DNAH14: variants seen among roughly 807,000 people sequenced by gnomAD.
DNAH14 encodes dynein axonemal heavy chain 14, also known as axonemal beta dynein heavy chain 14.
DNAH14 carries 478 observed loss-of-function variants against 520.9 expected under a neutral mutation model. The ratio of observed to expected loss-of-function variants is 0.92; its 90% CI spans 0.85 to 0.99. The LOEUF (loss-of-function observed/expected upper bound fraction) is 0.99. DNAH14 is among the 50% of genes least tolerant of loss of function. The pLI, the probability that DNAH14 is intolerant of heterozygous loss-of-function variation, is 0.00. For missense variants in DNAH14, 4,831 were observed against 5,234.5 expected, an observed-to-expected ratio of 0.92 and a Z score of 2.38; for synonymous variants, 1,581 against 1,757.2, an observed-to-expected ratio of 0.90 and a Z score of 2.51.
chr1:225,072,964 T>C (rs1293741006), intron 17 of DNAH14, among the ~76,000 whole-genome samples: 2 of 152,086 alleles, frequency 1.3e-5, no homozygotes, highest in Non-Finnish European at 2.9e-5. Context: ...GGTGGTCTCA[T>C]CCAGTCATGA....
chr1:224,934,681 T>G (rs2058910998), intron 1 of DNAH14, among the ~76,000 whole-genome samples: 1 of 151,310 alleles, frequency 6.6e-6, no homozygotes. Context: ...CACTAGAGGC[T>G]CAGTGATCCT....
At chr1:224,938,852 G>A (rs1360191670) in intron 1 of DNAH14, among the ~76,000 whole-genome samples, 3 of 152,152 alleles carry the variant, frequency 2.0e-5, no homozygotes, top group Admixed American at 6.6e-5. Flanking sequence ...ATACTATTCA[G>A]CTGTAAAAAA....
chr1:225,366,801 C>T (rs895397932), intron 76 of DNAH14, among the ~76,000 whole-genome samples: 1 of 119,772 alleles, frequency 8.3e-6, no homozygotes, highest in African/African-American at 2.6e-5. Flanking sequence ...ACCTAGAGAC[C>T]TCCTCTTTTC....
At chr1:225,042,215 A>G (rs2067541056) in intron 12 of DNAH14, among the ~76,000 whole-genome samples, 2 of 152,240 alleles carry the variant, frequency 1.3e-5, no homozygotes, top group South Asian at 4.1e-4. Flanking sequence ...CAGAGGAGTC[A>G]TTATGCAGTA....
intron 17 of DNAH14, among the ~76,000 whole-genome samples, chr1:225,064,055 T>C (rs1211837618): frequency 6.6e-6 from 1 of 152,030 alleles, no homozygotes; most frequent in Non-Finnish European, 1.5e-5. Context: ...GTATCCAGCA[T>C]ACATAAGGAA....
At chr1:225,327,033 C>T (rs1204976289) in intron 64 of DNAH14, among the ~76,000 whole-genome samples, 1 of 152,178 alleles carries the variant, frequency 6.6e-6, no homozygotes, top group Non-Finnish European at 1.5e-5. Context: ...TTCTCAGTTG[C>T]ACCTGAGATA....
Position 225,121,826 on chromosome 1 carries a change from G to A in DNAH14, c.4167-1701G>A, listed in dbSNP as rs140860905. On this transcript the variant is annotated intron_variant, in intron 26 of 85. Transcript: ENST00000682510. ...ACTGCACTCCAGCCTGGGTGACAGAGCGAGACTCCATCTCAAATTAAATAA... is the reference window on the plus strand; with the variant it reads ...ACTGCACTCCAGCCTGGGTGACAGAACGAGACTCCATCTCAAATTAAATAA... Among the ~76,000 whole-genome samples, 416 of 151,866 alleles carry A rather than the reference G, an allele frequency of 2.7e-3. No homozygotes were observed. The Middle Eastern group carries it at 0.027, about 10-fold the overall frequency.
intron 8 of DNAH14, among the ~76,000 whole-genome samples, chr1:224,981,913 G>A (rs1270172314): frequency 6.6e-6 from 1 of 152,094 alleles, no homozygotes; most frequent in Non-Finnish European, 1.5e-5. Context: ...CAAACCTTTT[G>A]GAAGGCCGAA....
chr1:225,327,610 C>A (rs1034637706), intron 64 of DNAH14, among the ~76,000 whole-genome samples: 1 of 151,976 alleles, frequency 6.6e-6, no homozygotes, highest in Non-Finnish European at 1.5e-5. Context: ...TAAATGCCTG[C>A]ATTTAAAAAG....
intron 5 of DNAH14, 33 bp from the exon 6 acceptor site, chr1:224,967,398 T>C (rs766553927): frequency 6.8e-7 from 1 of 1,468,106 alleles, no homozygotes; most frequent in East Asian, 2.4e-5. Flanking sequence ...TCAAATTAAT[T>C]AAATTTGTTT....
In DNAH14 at chr1:224,967,926, A is replaced by G. The variant is rs1053268343; in HGVS notation, c.651+343A>G. 9 of 1,196,592 alleles carry G rather than the reference A, an allele frequency of 7.5e-6. No homozygotes were observed. In the East Asian group the frequency reaches 2.6e-4, roughly 34 times the overall value. 74.1% of individuals were successfully genotyped at this position (1,196,592 alleles called of 1,614,324 possible). On this transcript the variant is annotated intron_variant, in intron 6 of 85. Transcript: ENST00000682510. The stretch of plus-strand genomic sequence containing the variant: ...AGAAAAGAATATTCTTTATTGGCAC[A>G]TTTGTCAGAAACTTTATTGCCAGAT...
At chr1:225,059,455 A>T (rs2069670197) in intron 17 of DNAH14, among the ~76,000 whole-genome samples, 1 of 152,172 alleles carries the variant, frequency 6.6e-6, no homozygotes, top group Admixed American at 6.5e-5. Flanking sequence ...AATACAGCAC[A>T]CTGATGGGTC....
intron 55 of DNAH14, among the ~76,000 whole-genome samples, chr1:225,298,412 C>T (rs2150051070): frequency 1.3e-5 from 2 of 152,262 alleles, no homozygotes; most frequent in East Asian, 3.9e-4. Context: ...AGCAGTTTGG[C>T]CAGCTCAAGG....
intron 41 of DNAH14, among the ~76,000 whole-genome samples, chr1:225,212,680 G>T (rs2088619592): frequency 6.6e-6 from 1 of 152,140 alleles, no homozygotes; most frequent in Admixed American, 6.5e-5. Context: ...TTTTTCATGT[G>T]TTTTTTGGCT....
At chr1:225,054,787 G>A (rs1034877714) in intron 17 of DNAH14, among the ~76,000 whole-genome samples, 2 of 151,926 alleles carry the variant, frequency 1.3e-5, no homozygotes, top group African/African-American at 4.8e-5. Context: ...TGTTTCTTTT[G>A]TGTATGTATA....
chr1:225,185,487 A>G lies in DNAH14; in HGVS notation c.5670+62A>G, dbSNP rs563287431. 1.7e-4 allele frequency: 248 copies of G among 1,424,508 alleles called. 1 individual carries two copies. The African/African-American group carries it at 3.1e-3, about 18-fold the overall frequency. The allele number at this position is 1,424,508 out of a possible 1,614,324, so 88.2% of individuals were successfully genotyped here. On this transcript the variant is annotated intron_variant, in intron 37 of 85. Coordinates refer to ENST00000682510, the MANE Select transcript of DNAH14 (RefSeq NM_001367479.1). ...TTCATATCTTATTTTACACTTTAAT[A>G]TTTTATGTTCTCTTTATATTGGTAT...
chr1:225,314,145 A>C (rs2094423044), intron 60 of DNAH14, among the ~76,000 whole-genome samples: 1 of 152,224 alleles, frequency 6.6e-6, no homozygotes, highest in Admixed American at 6.5e-5. Flanking sequence ...ATATGTATTT[A>C]GGATAGTTAG....
intron 60 of DNAH14, among the ~76,000 whole-genome samples, chr1:225,316,000 T>G (rs1325136753): frequency 1.3e-5 from 2 of 152,206 alleles, no homozygotes; most frequent in East Asian, 3.9e-4. Context: ...GGGAGTTTTA[T>G]CTATAAGCCC....
intron 10 of DNAH14, among the ~76,000 whole-genome samples, chr1:225,007,747 T>A (rs969771827): frequency 2.0e-5 from 3 of 151,798 alleles, no homozygotes; most frequent in Non-Finnish European, 4.4e-5. Flanking sequence ...AATATATATT[T>A]ATATATATGT....
Sources: gnomAD v4.1 joint callset for allele counts (sites outside exome capture counted in the v4.1 genomes callset) on GRCh38, gnomAD v4.1.1 for gene constraint, MANE v1.5 for transcripts, NCBI Gene and HGNC (gene_info 2026-07-23, HGNC 2026-07-21) for gene names.